Variants in ONECUT2 observed in about 807,000 individuals in gnomAD.
ONECUT2 encodes one cut homeobox 2, also known as one cut domain family member 2.
In ONECUT2, 10 loss-of-function variants were observed where a neutral mutation model predicts 27.9. That is an observed-to-expected ratio of 0.36 (90% CI 0.22 to 0.61). ONECUT2 has a LOEUF of 0.61. Among genes scored for constraint, ONECUT2 ranks in the 20% least tolerant of loss-of-function variants. ONECUT2 has a pLI of 0.73. For missense variants in ONECUT2, 686 were observed against 721.0 expected, an observed-to-expected ratio of 0.95 and a Z score of 0.56; for synonymous variants, 334 against 315.1, an observed-to-expected ratio of 1.06 and a Z score of -0.64.
At position 57,484,092 on chromosome 18, in the gene ONECUT2, T is replaced by A. The variant is rs564540194; in HGVS notation, c.*7369T>A. 6 of 151,024 alleles carry A rather than the reference T, an allele frequency of 4.0e-5. No homozygotes were observed. Among genetic ancestry groups the A allele is most frequent in the Non-Finnish European group, 7.4e-5 (5 of 67,654 alleles). 9.4% of individuals were successfully genotyped at this position (151,024 alleles called of 1,614,324 possible). A position where few individuals can be genotyped will look rare whatever the true frequency, so the allele number is the denominator to read the frequency against. On this transcript the variant is annotated 3_prime_UTR_variant, in exon 2 of 2. Transcript: ENST00000491143. ...ATACAGAAACTGGAAAAATAAATTT[T>A]AAAAAAATCGTAAACAAAAAGAGAG... is the stretch of plus-strand genomic sequence containing the variant.
rs1224389332 is a variant in ONECUT2 at position 57,481,069 on chromosome 18, A to T, written c.*4346A>T. ...TATTCCTTTACACAAATAGGCTTGC[A>T]TTGTTTTTGTTTTAATGTGATTTTG... On this transcript the variant is annotated 3_prime_UTR_variant, in exon 2 of 2. Transcript: ENST00000491143. 6.6e-6 allele frequency: 1 copy of T among 152,144 alleles called. No homozygotes were observed. The highest frequency in any genetic ancestry group is 2.4e-5 in the African/African-American group (1 of 41,440). 9.4% of individuals were successfully genotyped at this position (152,144 alleles called of 1,614,324 possible). A position where few individuals can be genotyped will look rare whatever the true frequency, so the allele number is the denominator to read the frequency against.
chr18:57,475,386 G>A (rs998203560), intron 1 of ONECUT2, among the ~76,000 whole-genome samples: 4 of 152,150 alleles, frequency 2.6e-5, no homozygotes, highest in African/African-American at 7.2e-5. Flanking sequence ...ACGTTCTCAT[G>A]TTTTAGCATT....
intron 1 of ONECUT2, among the ~76,000 whole-genome samples, chr18:57,442,097 G>T (rs2050178178): frequency 6.8e-6 from 1 of 146,524 alleles, no homozygotes; most frequent in Admixed American, 6.9e-5. Flanking sequence ...CTTCCCGCTT[G>T]TGGGGGACAC....
chr18:57,462,313 G>C (rs752872086), intron 1 of ONECUT2, among the ~76,000 whole-genome samples: 1 of 152,212 alleles, frequency 6.6e-6, no homozygotes, highest in South Asian at 2.1e-4. Flanking sequence ...TTCAGGCCCT[G>C]TGGCAGACAT....
chr18:57,476,992 A>G lies in ONECUT2; in HGVS notation c.*269A>G, dbSNP rs780160591. 6 of 458,418 alleles carry G rather than the reference A, an allele frequency of 1.3e-5. No homozygotes were observed. Among genetic ancestry groups the G allele is most frequent in the East Asian group, 4.0e-5 (1 of 24,896 alleles). 28.4% of individuals were successfully genotyped at this position (458,418 alleles called of 1,614,324 possible). A position where few individuals can be genotyped will look rare whatever the true frequency, so the allele number is the denominator to read the frequency against. The stretch of plus-strand genomic sequence containing the variant: ...GTTCTCTGAGCATGCTAAGCATCCC[A>G]GAAACCCAAATGGGGCCTTCCTGGA... On this transcript the variant is annotated 3_prime_UTR_variant, in exon 2 of 2. Transcript: ENST00000491143.
Position 57,476,609 on chromosome 18 carries a change from C to G in ONECUT2, c.1401C>G (p.Leu467=), listed in dbSNP as rs561899159. 1.2e-5 allele frequency: 19 copies of G among 1,614,176 alleles called. No homozygotes were observed. In the East Asian group the frequency reaches 4.2e-4, roughly 36 times the overall value. The change falls in exon 2 of 2, where the codon CTC becomes CTG. Residue 467 remains leucine, a synonymous_variant. Coordinates refer to ENST00000491143, the MANE Select transcript of ONECUT2 (RefSeq NM_004852.3). ...ITISQQLGLE[L]TTVSNFFMNA... is the part of the protein sequence containing the mutation. ...TTTCCCAGCAGCTGGGCCTGGAGCT[C>G]ACAACCGTCAGCAACTTCTTCATGA...
intron 1 of ONECUT2, among the ~76,000 whole-genome samples, chr18:57,459,566 A>G (rs1268587293): frequency 6.6e-6 from 1 of 152,084 alleles, no homozygotes; most frequent in Non-Finnish European, 1.5e-5. Flanking sequence ...TTTATTATTT[A>G]TTTTTTATGA....
rs1327718057 is a variant in ONECUT2 at position 57,490,068 on chromosome 18, C to T, written c.*13345C>T. On this transcript the variant is annotated 3_prime_UTR_variant, in exon 2 of 2. Coordinates refer to ENST00000491143, the MANE Select transcript of ONECUT2 (RefSeq NM_004852.3). ...ATTGACCAGCATTTCAATTAGTTCT[C>T]TTCTTCATCTTTGCATTTCTCAAAA... is the stretch of plus-strand genomic sequence containing the variant. The T allele has an allele frequency of 1.3e-5, 2 of 152,148 alleles. No individual in the cohort carries two copies. The highest frequency in any genetic ancestry group is 2.9e-5 in the Non-Finnish European group (2 of 68,030). The allele number at this position is 152,148 out of a possible 1,614,324, so 9.4% of individuals were successfully genotyped here.
chr18:57,445,025 T>C (rs144035530), intron 1 of ONECUT2, among the ~76,000 whole-genome samples: 7 of 152,048 alleles, frequency 4.6e-5, no homozygotes, highest in South Asian at 2.1e-4. Context: ...TTTGGCATCT[T>C]TTTTTTTATG....
rs1485743747 is a variant in ONECUT2, at chr18:57,484,035, C to G, written c.*7312C>G. 2 of 152,424 alleles carry G rather than the reference C, an allele frequency of 1.3e-5. No homozygotes were observed. Among genetic ancestry groups the G allele is most frequent in the African/African-American group, 4.8e-5 (2 of 41,358 alleles). The allele number at this position is 152,424 out of a possible 1,614,324, so 9.4% of individuals were successfully genotyped here. ...GCATTCAGAAAACATAAGCTGAGAC[C>G]CTGCTTCACCAGCCTGGATTTCGGG... is the stretch of plus-strand genomic sequence containing the variant. On this transcript the variant is annotated 3_prime_UTR_variant, in exon 2 of 2. Coordinates refer to ENST00000491143, the MANE Select transcript of ONECUT2 (RefSeq NM_004852.3).
intron 1 of ONECUT2, among the ~76,000 whole-genome samples, chr18:57,459,806 G>T (rs569951501): frequency 1.3e-5 from 2 of 152,258 alleles, no homozygotes; most frequent in East Asian, 3.9e-4. Context: ...TGATCCACCC[G>T]CCTCAGCCTC....
Position 57,480,923 on chromosome 18 carries a change from G to T in ONECUT2, c.*4200G>T, listed in dbSNP as rs1011466001. ...TACCTCAATCCAAGGAAAATTCCAG[G>T]CATTCCTCAACCATCAGGAAAAGGT... On this transcript the variant is annotated 3_prime_UTR_variant, in exon 2 of 2. Transcript: ENST00000491143. The T allele has an allele frequency of 3.9e-5, 6 of 152,106 alleles. No homozygotes were observed. The highest frequency in any genetic ancestry group is 1.4e-4 in the African/African-American group (6 of 41,424). 9.4% of individuals were successfully genotyped at this position (152,106 alleles called of 1,614,324 possible).
chr18:57,437,837 G>A (rs905520711), intron 1 of ONECUT2, among the ~76,000 whole-genome samples: 19 of 152,246 alleles, frequency 1.2e-4, no homozygotes, highest in Admixed American at 2.0e-4. Context: ...AGGAAGAGGT[G>A]CTGAGAAATT....
At chr18:57,471,144 C>T (rs769231212) in intron 1 of ONECUT2, among the ~76,000 whole-genome samples, 87 of 152,220 alleles carry the variant, frequency 5.7e-4, no homozygotes, top group Non-Finnish European at 1.9e-4. Flanking sequence ...CCTCCCTTTG[C>T]ATCCCCTCTG....
rs1314875493 is a variant in ONECUT2 at position 57,486,728 on chromosome 18, G to A, written c.*10005G>A. The A allele has an allele frequency of 6.6e-6, 1 of 152,576 alleles. No individual in the cohort carries two copies. The highest frequency in any genetic ancestry group is 1.9e-4 in the East Asian group (1 of 5,200). The allele number at this position is 152,576 out of a possible 1,614,324, so 9.5% of individuals were successfully genotyped here. A position where few individuals can be genotyped will look rare whatever the true frequency, so the allele number is the denominator to read the frequency against. ...TCCCCCTTTGGATTTTATTTATGCT[G>A]GATTGGGGAAAGTTGCAGAATGAGC... On this transcript the variant is annotated 3_prime_UTR_variant, in exon 2 of 2. Transcript: ENST00000491143.
Position 57,460,164 on chromosome 18 carries a change from C to A in ONECUT2, c.1229-16273C>A, listed in dbSNP as rs556869076. On this transcript the variant is annotated intron_variant, in intron 1 of 1. Coordinates refer to ENST00000491143, the MANE Select transcript of ONECUT2 (RefSeq NM_004852.3). ...CTAGTCTCAAACTCCTGAGCTCAAG[C>A]AATCCCCCCACCTCAGCCTGTGTGC... Among the ~76,000 whole-genome samples, 11 of 151,882 alleles carry A rather than the reference C, an allele frequency of 7.2e-5. No homozygotes were observed. In the East Asian group the frequency reaches 2.1e-3, roughly 30 times the overall value.
intron 1 of ONECUT2, among the ~76,000 whole-genome samples, chr18:57,454,137 A>G (rs2050246010): frequency 6.6e-6 from 1 of 152,164 alleles, no homozygotes; most frequent in African/African-American, 2.4e-5. Flanking sequence ...AGGTCTGCCA[A>G]GGTCTTTAAG....
intron 1 of ONECUT2, among the ~76,000 whole-genome samples, chr18:57,472,287 G>A (rs1323487227): frequency 6.6e-6 from 1 of 152,208 alleles, no homozygotes; most frequent in Admixed American, 6.5e-5. Context: ...GCTTGTGCCT[G>A]CAGGCACACC....
chr18:57,456,954 T>A (rs1382232140), intron 1 of ONECUT2, among the ~76,000 whole-genome samples: 1 of 152,132 alleles, frequency 6.6e-6, no homozygotes, highest in Non-Finnish European at 1.5e-5. Flanking sequence ...AAGTTCACCA[T>A]CAATACGGTG....
Sources: gnomAD v4.1 joint callset for allele counts (sites outside exome capture counted in the v4.1 genomes callset) on GRCh38, gnomAD v4.1.1 for gene constraint, MANE v1.5 for transcripts, NCBI Gene and HGNC (gene_info 2026-07-23, HGNC 2026-07-21) for gene names.